SCN9A: variants seen among roughly 807,000 people sequenced by gnomAD.
SCN9A encodes sodium voltage-gated channel alpha subunit 9.
A neutral mutation model predicts 187.0 loss-of-function variants in SCN9A; 131 were observed. The observed-to-expected ratio is 0.70, with a 90% confidence interval of 0.61 to 0.81. The LOEUF is 0.81. Ranked by LOEUF, SCN9A falls within the 30% of genes least tolerant of loss-of-function variation. The pLI, the probability that SCN9A is intolerant of heterozygous loss-of-function variation, is 0.00. For missense variants in SCN9A, 2,252 were observed against 2,396.6 expected, an observed-to-expected ratio of 0.94 and a Z score of 1.26; for synonymous variants, 809 against 808.6, an observed-to-expected ratio of 1.00 and a Z score of -0.01.
chr2:166,221,123 A>G (rs1447211872), intron 24 of SCN9A, among the ~76,000 whole-genome samples: 4 of 152,208 alleles, frequency 2.6e-5, no homozygotes. Flanking sequence ...AAATGTATGC[A>G]CTGAAAACTA....
chr2:166,228,427 T>G (rs1383040361), intron 22 of SCN9A, among the ~76,000 whole-genome samples: 2 of 151,652 alleles, frequency 1.3e-5, no homozygotes, highest in African/African-American at 4.9e-5. Flanking sequence ...CAGCTAATTT[T>G]TTTGTATTTT....
chr2:166,246,337 A>G (rs16851831), intron 18 of SCN9A, among the ~76,000 whole-genome samples: 20,669 of 151,500 alleles, frequency 0.14, 1,791 homozygotes, highest in East Asian at 0.35. Flanking sequence ...AAAAAGGTGA[A>G]TGGAAAATCT....
intron 5 of SCN9A, among the ~76,000 whole-genome samples, chr2:166,304,910 G>A (rs6432896): frequency 0.52 from 78,305 of 151,852 alleles, 20,373 homozygotes; most frequent in East Asian, 0.67. Context: ...TGTGAATTTT[G>A]TAGTATTTGA....
At chr2:166,365,058 C>T (rs1260017028) in intron 1 of SCN9A, among the ~76,000 whole-genome samples, 1 of 151,910 alleles carries the variant, frequency 6.6e-6, no homozygotes. Flanking sequence ...CAAAATTGAT[C>T]GAAATATACA....
chr2:166,363,105 G>A (rs553661695), intron 1 of SCN9A, among the ~76,000 whole-genome samples: 8 of 151,868 alleles, frequency 5.3e-5, no homozygotes, highest in Admixed American at 1.3e-4. Flanking sequence ...TCAGTTTTCG[G>A]TAACAAACTC....
chr2:166,235,676 C>A lies in SCN9A; in HGVS notation c.3802-2214G>T, dbSNP rs1695285000. Among the ~76,000 whole-genome samples the A allele has an allele frequency of 4.1e-5, 6 of 145,570 alleles. 1 individual carries two copies. In the South Asian group the frequency reaches 1.1e-3, roughly 26 times the overall value. Reference sequence around the variant, plus strand: ...GCTGTAGATAAGTTTCTATACTTTTCAGAAAAAAAAAAAATCAGCCACTCC... The same window carrying A: ...GCTGTAGATAAGTTTCTATACTTTTAAGAAAAAAAAAAAATCAGCCACTCC... On this transcript the variant is annotated intron_variant, in intron 20 of 26. Coordinates refer to ENST00000642356, the MANE Select transcript of SCN9A (RefSeq NM_001365536.1).
chr2:166,344,319 A>G (rs1014831963), intron 1 of SCN9A, among the ~76,000 whole-genome samples: 3 of 152,174 alleles, frequency 2.0e-5, no homozygotes, highest in Non-Finnish European at 4.4e-5. Flanking sequence ...TTTATTATCT[A>G]TTATTTCATT....
intron 1 of SCN9A, among the ~76,000 whole-genome samples, chr2:166,363,269 T>C (rs922759074): frequency 2.0e-5 from 3 of 152,070 alleles, no homozygotes; most frequent in Non-Finnish European, 4.4e-5. Context: ...GAAAACAAGA[T>C]AGCTTTTCTT....
chr2:166,209,409 A>G (rs1387177387), intron 24 of SCN9A, among the ~76,000 whole-genome samples: 1 of 152,248 alleles, frequency 6.6e-6, no homozygotes, highest in Admixed American at 6.5e-5. Flanking sequence ...CAGAGAACAG[A>G]GATAGACAAC....
chr2:166,281,055 A>C (rs1345140950), intron 13 of SCN9A, among the ~76,000 whole-genome samples: 1 of 152,162 alleles, frequency 6.6e-6, no homozygotes, highest in Admixed American at 6.6e-5. Context: ...ACTAGAAATA[A>C]TTTATGGAGG....
At chr2:166,242,838 G>A (rs1390036907) in intron 18 of SCN9A, among the ~76,000 whole-genome samples, 182 bp from the exon 19 acceptor site, 3 of 152,092 alleles carry the variant, frequency 2.0e-5, no homozygotes, top group Non-Finnish European at 4.4e-5. Context: ...AACTTTGCAT[G>A]ATGTTTTCTA....
Position 166,303,267 on chromosome 2 carries a change from C to G in SCN9A, c.724G>C (p.Val242Leu), listed in dbSNP as rs200011236. ...KTIVGALIQSVKKLSDVMILT... is the reference protein window; with the variant it reads ...KTIVGALIQSLKKLSDVMILT... ...ATCATGACATCAGAAAGCTTCTTCACTGACTGGATCAAAGCCCCTACAATT... is the reference window on the plus strand; with the variant it reads ...ATCATGACATCAGAAAGCTTCTTCAGTGACTGGATCAAAGCCCCTACAATT... The change falls in exon 7 of 27, where the codon GTG (valine) becomes CTG (leucine). Residue 242 changes from valine to leucine, a missense_variant. Physicochemically the swap from Val to Leu is conservative, Grantham distance 32. This residue lies in a region of SCN9A where 1,013 missense variants were observed against 997.4 expected (regional missense o/e 1.02). Coordinates refer to ENST00000642356, the MANE Select transcript of SCN9A (RefSeq NM_001365536.1). 16 of 1,613,534 alleles carry G rather than the reference C, an allele frequency of 9.9e-6. No individual in the cohort carries two copies. The highest frequency in any genetic ancestry group is 7.7e-5 in the South Asian group (7 of 91,020).
In SCN9A at chr2:166,199,323, T is replaced by C; in HGVS notation, c.5316A>G (p.Glu1772=). 1 of 1,614,036 alleles carries C rather than the reference T, an allele frequency of 6.2e-7. No homozygotes were observed. Among genetic ancestry groups the C allele is most frequent in the South Asian group, 1.1e-5 (1 of 91,066 alleles). ...NFSVATEEST[E]PLSEDDFEMF... ...TCTCAAAGTCATCCTCACTCAGAGGTTCAGTACTTTCTTCAGTGGCAACAC... is the reference window on the plus strand; with the variant it reads ...TCTCAAAGTCATCCTCACTCAGAGGCTCAGTACTTTCTTCAGTGGCAACAC... Residue 1772 remains glutamate, a synonymous_variant, in exon 27 of 27, where the codon GAA becomes GAG. Coordinates refer to ENST00000642356, the MANE Select transcript of SCN9A (RefSeq NM_001365536.1).
At position 166,242,605 on chromosome 2, in the gene SCN9A, C is replaced by T; in HGVS notation, c.3524G>A (p.Gly1175Glu). The T allele has an allele frequency of 6.4e-7, 1 of 1,556,982 alleles. No individual in the cohort carries two copies. ...TTTCCTGATGTTCCACCAGATTTTT[C>T]CTTTCCCTGACTCTATGTTAACTTG... Reference protein sequence around the residue: ...CCQVNIESGKGKIWWNIRKTC... With the variant: ...CCQVNIESGKEKIWWNIRKTC... Residue 1175 changes from glycine (G) to glutamate (E), a missense_variant, in exon 19 of 27, where the codon GGA (glycine) becomes GAA (glutamate). Physicochemically the swap from Gly to Glu is moderately conservative, Grantham distance 98. Coordinates refer to ENST00000642356, the MANE Select transcript of SCN9A (RefSeq NM_001365536.1).
chr2:166,257,399 C>T lies in SCN9A; in HGVS notation c.3352-5514G>A, dbSNP rs147537676. 3.2e-3 allele frequency among the ~76,000 whole-genome samples: 478 copies of T among 151,676 alleles called. 8 individuals carry two copies. Among genetic ancestry groups the T allele is most frequent in the Admixed American group, 0.022 (329 of 15,164 alleles). The stretch of plus-strand genomic sequence containing the variant: ...TAGATATCTGAATCATTTCTGTTAA[C>T]TACTAATACTACCCACAATGAAGGA... On this transcript the variant is annotated intron_variant, in intron 17 of 26. Coordinates refer to ENST00000642356, the MANE Select transcript of SCN9A (RefSeq NM_001365536.1).
rs199772036 is a variant in SCN9A at position 166,272,888 on chromosome 2, G to A, written c.2875-13C>T. ...ATAGGTTTAGGACCTATATCAGGGTGGGGAGAGGGGGTAGAGAAATAGGGA... is the reference window on the plus strand; with the variant it reads ...ATAGGTTTAGGACCTATATCAGGGTAGGGAGAGGGGGTAGAGAAATAGGGA... On this transcript the variant is annotated splice_polypyrimidine_tract_variant and intron_variant, in intron 16 of 26. Transcript: ENST00000642356. The A allele has an allele frequency of 1.7e-5, 21 of 1,241,346 alleles. No homozygotes were observed. Among genetic ancestry groups the A allele is most frequent in the Non-Finnish European group, 2.3e-5 (21 of 925,332 alleles). The allele number at this position is 1,241,346 out of a possible 1,614,324, so 76.9% of individuals were successfully genotyped here.
intron 24 of SCN9A, among the ~76,000 whole-genome samples, chr2:166,217,447 G>T (rs2106368886): frequency 6.6e-6 from 1 of 152,012 alleles, no homozygotes; most frequent in East Asian, 1.9e-4. Context: ...TAAAATATCT[G>T]CAAACCATAC....
At chr2:166,361,154 T>A (rs1700274760) in intron 1 of SCN9A, among the ~76,000 whole-genome samples, 1 of 152,128 alleles carries the variant, frequency 6.6e-6, no homozygotes, top group Non-Finnish European at 1.5e-5. Flanking sequence ...AATTAGACAC[T>A]GAATTTTAAT....
At chr2:166,263,133 C>T (rs1696586032) in intron 17 of SCN9A, among the ~76,000 whole-genome samples, 1 of 151,890 alleles carries the variant, frequency 6.6e-6, no homozygotes, top group East Asian at 1.9e-4. Context: ...AGAAGAAAGG[C>T]CTGACCCTCT....
Sources: allele counts gnomAD v4.1 joint callset (sites outside exome capture counted in the v4.1 genomes callset), GRCh38; gene constraint gnomAD v4.1.1; regional missense constraint gnomAD v4.1.1; transcripts MANE v1.5; gene names NCBI Gene and HGNC (gene_info 2026-07-23, HGNC 2026-07-21).